The following VWC2L variants were observed in gnomAD, a reference collection of about 807,000 sequenced individuals.
The protein encoded by VWC2L is von Willebrand factor C domain containing 2 like, also known as von Willebrand factor C domain-containing protein 2-like.
A neutral mutation model predicts 21.6 loss-of-function variants in VWC2L; 10 were observed. The ratio of observed to expected loss-of-function variants is 0.46; its 90% confidence interval spans 0.29 to 0.78. VWC2L has a LOEUF of 0.78. Ranked by LOEUF, VWC2L falls within the 30% of genes least tolerant of loss-of-function variation. VWC2L has a pLI of 0.10. For missense variants in VWC2L, 209 were observed against 277.1 expected, an observed-to-expected ratio of 0.75 and a Z score of 1.74; for synonymous variants, 96 against 94.3, an observed-to-expected ratio of 1.02 and a Z score of -0.10.
At chr2:214,479,742 G>T (rs1688575081) in intron 3 of VWC2L, among the ~76,000 whole-genome samples, 2 of 152,188 alleles carry the variant, frequency 1.3e-5, no homozygotes, top group African/African-American at 4.8e-5. Flanking sequence ...AGTGAGCTGA[G>T]ATCGTGCCAT....
At chr2:214,528,592 C>CTT (rs145324101) in intron 3 of VWC2L, among the ~76,000 whole-genome samples, 1 of 148,764 alleles carries the variant, frequency 6.7e-6, no homozygotes, top group African/African-American at 2.5e-5. Flanking sequence ...ATTTACATCT[C>CTT]TTTTTTTTTT....
At chr2:214,433,243 A>C (rs1448778736) in intron 2 of VWC2L, among the ~76,000 whole-genome samples, 1 of 149,868 alleles carries the variant, frequency 6.7e-6, no homozygotes, top group East Asian at 2.0e-4. Context: ...TTCAACTAAA[A>C]TTTATGAAAA....
rs2105928406 is a variant in VWC2L at position 214,558,991 on chromosome 2, A to G, written c.521-16681A>G. Among the ~76,000 whole-genome samples the G allele has an allele frequency of 1.3e-5, 2 of 151,820 alleles. 1 individual carries two copies. The highest frequency in any genetic ancestry group is 4.2e-4 in the South Asian group (2 of 4,814). ...ACCCACTAACTCGTCATCTAGCATTAGGTATATCTCCCAATGCTATCCCTC... is the reference window on the plus strand; with the variant it reads ...ACCCACTAACTCGTCATCTAGCATTGGGTATATCTCCCAATGCTATCCCTC... On this transcript the variant is annotated intron_variant, in intron 3 of 3. Transcript: ENST00000312504.
chr2:214,479,873 G>A (rs184943880), intron 3 of VWC2L, among the ~76,000 whole-genome samples: 7 of 152,276 alleles, frequency 4.6e-5, no homozygotes, highest in Non-Finnish European at 8.8e-5. Context: ...ATACTTCACT[G>A]CACTTGGCCC....
chr2:214,549,535 G>A (rs139237014), intron 3 of VWC2L, among the ~76,000 whole-genome samples: 33 of 152,340 alleles, frequency 2.2e-4, no homozygotes, highest in African/African-American at 7.5e-4. Flanking sequence ...AGCACTTTGG[G>A]ACGTCAAGAC....
chr2:214,436,828 C>T (rs1702685860), intron 3 of VWC2L, 70 bp downstream of exon 3: 2 of 1,567,232 alleles, frequency 1.3e-6, no homozygotes, highest in Non-Finnish European at 1.7e-6. Flanking sequence ...TACTGCATAC[C>T]ATTCAATGCA....
At chr2:214,481,731 T>C (rs1688606006) in intron 3 of VWC2L, among the ~76,000 whole-genome samples, 1 of 152,206 alleles carries the variant, frequency 6.6e-6, no homozygotes, top group African/African-American at 2.4e-5. Flanking sequence ...TTAAGCTGCA[T>C]TACAAATACT....
chr2:214,517,023 T>C (rs867445142), intron 3 of VWC2L, among the ~76,000 whole-genome samples: 2 of 152,244 alleles, frequency 1.3e-5, no homozygotes, highest in Non-Finnish European at 2.9e-5. Context: ...CTCTCTCCCC[T>C]GCATCATCAA....
At chr2:214,489,378 T>C (rs979862212) in intron 3 of VWC2L, among the ~76,000 whole-genome samples, 2 of 152,184 alleles carry the variant, frequency 1.3e-5, no homozygotes, top group Non-Finnish European at 2.9e-5. Flanking sequence ...TGATTGGAAG[T>C]GTGCCCCTAG....
At chr2:214,530,822 C>T (rs1327225666) in intron 3 of VWC2L, among the ~76,000 whole-genome samples, 1 of 152,174 alleles carries the variant, frequency 6.6e-6, no homozygotes. Flanking sequence ...ACTAAAACAA[C>T]ATTAAGCTGG....
At chr2:214,554,166 A>G (rs1213413313) in intron 3 of VWC2L, among the ~76,000 whole-genome samples, 2 of 152,052 alleles carry the variant, frequency 1.3e-5, no homozygotes, top group African/African-American at 4.8e-5. Context: ...TAGGAAGCCT[A>G]CCTCTTCCTC....
At chr2:214,523,272 G>A (rs1243658994) in intron 3 of VWC2L, among the ~76,000 whole-genome samples, 2 of 152,158 alleles carry the variant, frequency 1.3e-5, no homozygotes, top group Non-Finnish European at 2.9e-5. Flanking sequence ...GTGTTACTGA[G>A]TTACCTATGT....
At chr2:214,473,639 G>C (rs1189151038) in intron 3 of VWC2L, 4 of 152,036 alleles carry the variant, frequency 2.6e-5, no homozygotes, top group Non-Finnish European at 5.9e-5. Context: ...GGATCTCACT[G>C]TATGTCCAGT....
At chr2:214,463,557 A>C (rs1192101680) in intron 3 of VWC2L, among the ~76,000 whole-genome samples, 1 of 152,088 alleles carries the variant, frequency 6.6e-6, no homozygotes, top group Non-Finnish European at 1.5e-5. Context: ...TAACCCACTT[A>C]TGTTTAATGT....
chr2:214,481,306 A>T (rs1181159493), intron 3 of VWC2L, among the ~76,000 whole-genome samples: 1 of 152,196 alleles, frequency 6.6e-6, no homozygotes, highest in East Asian at 1.9e-4. Context: ...TGTTTTCATC[A>T]TCTTGCAACA....
intron 3 of VWC2L, among the ~76,000 whole-genome samples, chr2:214,505,042 C>T (rs1003974237): frequency 2.0e-5 from 3 of 152,120 alleles, no homozygotes; most frequent in South Asian, 4.2e-4. Context: ...ATTTCCTGTC[C>T]ACCTCCATCC....
intron 2 of VWC2L, among the ~76,000 whole-genome samples, chr2:214,424,661 T>C (rs1257262735): frequency 6.6e-6 from 1 of 152,018 alleles, no homozygotes; most frequent in Non-Finnish European, 1.5e-5. Flanking sequence ...AGTAGAACAC[T>C]TTTTTTTCTC....
chr2:214,490,717 G>A (rs558879302), intron 3 of VWC2L, among the ~76,000 whole-genome samples: 23 of 152,058 alleles, frequency 1.5e-4, no homozygotes, highest in East Asian at 3.9e-4. Context: ...ATAAGTTTAC[G>A]AAAAAAAGAA....
At chr2:214,455,807 C>T (rs532213200) in intron 3 of VWC2L, among the ~76,000 whole-genome samples, 44 of 152,250 alleles carry the variant, frequency 2.9e-4, no homozygotes, top group African/African-American at 9.9e-4. Context: ...GAGTATTTCT[C>T]TTTCTGTGCT....
Sources: allele counts gnomAD v4.1 joint callset (sites outside exome capture counted in the v4.1 genomes callset), GRCh38; gene constraint gnomAD v4.1.1; transcripts MANE v1.5; gene names NCBI Gene and HGNC (gene_info 2026-07-23, HGNC 2026-07-21).